PPP1R1C: variants seen among roughly 807,000 people sequenced by gnomAD.
PPP1R1C encodes protein phosphatase 1 regulatory inhibitor subunit 1C, also known as protein phosphatase 1 regulatory subunit 1C.
Under a neutral mutation model 17.4 loss-of-function variants are expected in PPP1R1C, and 15 were observed. The observed-to-expected ratio is 0.86, with a 90% confidence interval of 0.58 to 1.33. The LOEUF is 1.33. Among genes scored for constraint, PPP1R1C ranks in the 40% most tolerant of loss-of-function variants. PPP1R1C has a pLI of 0.00. For missense variants in PPP1R1C, 143 were observed against 130.0 expected (o/e 1.10, Z -0.48); for synonymous variants, 35 against 43.1 (o/e 0.81, Z 0.73).
intron 2 of PPP1R1C, among the ~76,000 whole-genome samples, chr2:181,990,827 A>C (rs566130801): frequency 6.6e-6 from 1 of 152,316 alleles, no homozygotes; most frequent in African/African-American, 2.4e-5. Context: ...CCCAAAAGCA[A>C]TATGTTGTTT....
chr2:182,092,232 G>A (rs1186798928), intron 4 of PPP1R1C, among the ~76,000 whole-genome samples: 1 of 152,188 alleles, frequency 6.6e-6, no homozygotes, highest in Non-Finnish European at 1.5e-5. Context: ...CAGACAGAAA[G>A]AGAACTTGTG....
chr2:182,086,869 T>TGACAGAAACCCA (rs1688643086), intron 4 of PPP1R1C, among the ~76,000 whole-genome samples: 3 of 152,098 alleles, frequency 2.0e-5, no homozygotes, highest in Non-Finnish European at 4.4e-5. Flanking sequence ...AACACGTCCC[T>TGACAGAAACCCA]GACAGAAACC....
chr2:182,001,949 C>T (rs1479045945), intron 2 of PPP1R1C, among the ~76,000 whole-genome samples: 2 of 152,078 alleles, frequency 1.3e-5, no homozygotes. Context: ...ATACGTATAG[C>T]TTCACATTAC....
At chr2:182,092,772 C>G (rs949238777) in intron 4 of PPP1R1C, among the ~76,000 whole-genome samples, 3 of 152,204 alleles carry the variant, frequency 2.0e-5, no homozygotes, top group African/African-American at 7.2e-5. Context: ...CTCCATGTCT[C>G]ACATCTAGGT....
At chr2:182,072,117 C>T (rs908907590) in intron 4 of PPP1R1C, among the ~76,000 whole-genome samples, 3 of 152,142 alleles carry the variant, frequency 2.0e-5, no homozygotes, top group Non-Finnish European at 2.9e-5. Flanking sequence ...TTAATGTAGG[C>T]GCTATCAGTA....
In PPP1R1C at chr2:182,031,137, G is replaced by A. The variant is rs1366344312; in HGVS notation, c.143-30305G>A. On this transcript the variant is annotated intron_variant, in intron 2 of 4. Transcript: ENST00000682840. ...TGGCACTCCCTAGTGAGATGAACCCGGTACCTCAGATGGAAATGCAGAAAT... is the reference window on the plus strand; with the variant it reads ...TGGCACTCCCTAGTGAGATGAACCCAGTACCTCAGATGGAAATGCAGAAAT... Among the ~76,000 whole-genome samples, 6 of 152,160 alleles carry A rather than the reference G, an allele frequency of 3.9e-5. No homozygotes were observed. The South Asian group carries it at 6.2e-4, about 16-fold the overall frequency.
At chr2:181,973,849 A>G (rs1279761213) in intron 1 of PPP1R1C, among the ~76,000 whole-genome samples, 1 of 152,184 alleles carries the variant, frequency 6.6e-6, no homozygotes, top group Non-Finnish European at 1.5e-5. Context: ...TTATATTTAT[A>G]TTTAATTTAA....
At chr2:182,035,511 TGATCCAGAGTGTTTGA>T (rs1412973032) in intron 2 of PPP1R1C, among the ~76,000 whole-genome samples, 1 of 152,198 alleles carries the variant, frequency 6.6e-6, no homozygotes, top group Non-Finnish European at 1.5e-5. Flanking sequence ...TGTTAAGTTG[TGATCCAGAGTGTTTGA>T]GGTGAGGCCT....
At chr2:181,973,651 G>T (rs953702922) in intron 1 of PPP1R1C, among the ~76,000 whole-genome samples, 17 of 152,104 alleles carry the variant, frequency 1.1e-4, no homozygotes, top group African/African-American at 4.1e-4. Context: ...AAGATTAAAG[G>T]CAGAAGAAAA....
chr2:182,060,700 G>A (rs899231529), intron 2 of PPP1R1C, among the ~76,000 whole-genome samples: 4 of 151,962 alleles, frequency 2.6e-5, no homozygotes, highest in African/African-American at 9.7e-5. Flanking sequence ...TCAGTTTTTG[G>A]ATCATGGGGT....
At chr2:181,972,274 G>T (rs1574345206) in intron 1 of PPP1R1C, among the ~76,000 whole-genome samples, 1 of 152,152 alleles carries the variant, frequency 6.6e-6, no homozygotes, top group Admixed American at 6.5e-5. Context: ...TTTCTATAAA[G>T]CTTACTAAAG....
intron 2 of PPP1R1C, among the ~76,000 whole-genome samples, chr2:181,997,492 A>G (rs922679090): frequency 3.3e-5 from 5 of 152,222 alleles, no homozygotes; most frequent in Admixed American, 1.3e-4. Context: ...TGTTTCTAAC[A>G]TCTTGAATTA....
intron 1 of PPP1R1C, among the ~76,000 whole-genome samples, chr2:181,965,150 A>AT (rs371931918): frequency 6.6e-6 from 1 of 151,972 alleles, no homozygotes; most frequent in African/African-American, 2.4e-5. Flanking sequence ...GGATTATTAG[A>AT]TTTTTTTCCT....
chr2:181,979,634 T>C (rs529174129), intron 2 of PPP1R1C, among the ~76,000 whole-genome samples: 2 of 152,296 alleles, frequency 1.3e-5, no homozygotes. Flanking sequence ...TATCGGGGTA[T>C]CTACTTTTGC....
At chr2:181,984,519 G>A (rs765205315), upstream of PPP1R1C, among the ~76,000 whole-genome samples, 8 of 152,092 alleles carry the variant, frequency 5.3e-5, no homozygotes, top group East Asian at 5.8e-4. Context: ...GACACTACAC[G>A]GATAAACTCA....
chr2:182,101,191 T>C (rs958743895), intron 4 of PPP1R1C, among the ~76,000 whole-genome samples: 1 of 152,216 alleles, frequency 6.6e-6, no homozygotes, highest in Non-Finnish European at 1.5e-5. Flanking sequence ...GTAGTACCAT[T>C]GGTGAATTTC....
chr2:182,013,357 C>G (rs1259003606), intron 2 of PPP1R1C, among the ~76,000 whole-genome samples: 2 of 152,072 alleles, frequency 1.3e-5, no homozygotes, highest in African/African-American at 2.4e-5. Flanking sequence ...TGTCATGACA[C>G]TCTCTCCTGG....
chr2:182,036,483 TTAC>T (rs1168614183), intron 2 of PPP1R1C, among the ~76,000 whole-genome samples: 2 of 152,228 alleles, frequency 1.3e-5, no homozygotes, highest in Non-Finnish European at 2.9e-5. Context: ...AAACATGAAA[TTAC>T]TACACAGGTA....
intron 2 of PPP1R1C, among the ~76,000 whole-genome samples, chr2:182,011,563 C>A (rs1450663108): frequency 6.6e-6 from 1 of 151,950 alleles, no homozygotes; most frequent in Non-Finnish European, 1.5e-5. Flanking sequence ...AAAAACCCAA[C>A]TTTTCATTTC....
Sources: allele counts gnomAD v4.1 joint callset (sites outside exome capture counted in the v4.1 genomes callset), GRCh38; gene constraint gnomAD v4.1.1; transcripts MANE v1.5; gene names NCBI Gene and HGNC (gene_info 2026-07-23, HGNC 2026-07-21).